ZNF529: variants seen among roughly 807,000 people sequenced by gnomAD.
ZNF529 encodes zinc finger protein 529.
In ZNF529, 11 loss-of-function variants were observed where a neutral mutation model predicts 10.1. The observed-to-expected ratio is 1.09, with a 90% CI of 0.69 to 1.81. The LOEUF is 1.81. ZNF529 is among the 40% of genes most tolerant of loss of function. The pLI, the probability that ZNF529 is intolerant of heterozygous loss-of-function variation, is 0.00. For synonymous variants in ZNF529, 204 were observed against 215.7 expected, an observed-to-expected ratio of 0.95 and a Z score of 0.47; for missense variants, 624 against 666.8, an observed-to-expected ratio of 0.94 and a Z score of 0.71.
In ZNF529 at chr19:36,556,089, A is replaced by T. The variant is rs2035460153; in HGVS notation, c.108+15T>A. On this transcript the variant is annotated intron_variant, in intron 3 of 4. Transcript: ENST00000591340. ...AAAGGAAATATCACAAAGAAAAGAG[A>T]AGTAGTTAACTTACATGGTCCATGG... is the stretch of plus-strand genomic sequence containing the variant. The T allele has an allele frequency of 1.3e-6, 2 of 1,549,284 alleles. No individual in the cohort carries two copies. Among genetic ancestry groups the T allele is most frequent in the Non-Finnish European group, 1.7e-6 (2 of 1,146,120 alleles).
chr19:36,559,510 T>C (rs1344468221), intron 2 of ZNF529, among the ~76,000 whole-genome samples: 3 of 152,244 alleles, frequency 2.0e-5, no homozygotes, highest in Non-Finnish European at 4.4e-5. Flanking sequence ...GGTTTCACCA[T>C]GTTGGCCAGG....
intron 1 of ZNF529, chr19:36,605,012 G>A (rs965353063): frequency 3.3e-5 from 5 of 152,356 alleles, no homozygotes; most frequent in African/African-American, 9.7e-5. Flanking sequence ...CCCAGCAGGT[G>A]ACTTGCACAC....
intron 1 of ZNF529, chr19:36,589,764 A>G (rs1375447488): frequency 6.6e-6 from 1 of 152,182 alleles, no homozygotes; most frequent in Non-Finnish European, 1.5e-5. Context: ...CCAACTTGAT[A>G]AAATTAATAT....
intron 1 of ZNF529, among the ~76,000 whole-genome samples, chr19:36,591,445 C>T (rs59333503): frequency 1.3e-5 from 2 of 152,080 alleles, no homozygotes; most frequent in South Asian, 2.1e-4. Flanking sequence ...TGAGGCCAGA[C>T]GCAGTGGCTC....
intron 2 of ZNF529, among the ~76,000 whole-genome samples, chr19:36,564,285 C>G (rs569178549): frequency 6.6e-6 from 1 of 152,218 alleles, no homozygotes; most frequent in South Asian, 2.1e-4. Context: ...TTCCGCTCAG[C>G]AAAAGAAATT....
At position 36,548,252 on chromosome 19, in the gene ZNF529, C is replaced by T. The variant is rs1568574077; in HGVS notation, c.306G>A (p.Gln102=). The T allele has an allele frequency of 6.2e-7, 1 of 1,613,552 alleles. No homozygotes were observed. Among genetic ancestry groups the T allele is most frequent in the Non-Finnish European group, 8.5e-7 (1 of 1,179,710 alleles). Residue 102 remains glutamine (Q), a synonymous_variant, in exon 5 of 5, where the codon CAG becomes CAA. Coordinates refer to ENST00000591340, the MANE Select transcript of ZNF529 (RefSeq NM_020951.5). The stretch of plus-strand genomic sequence containing the variant: ...ACTTGCTACTTTCCATTACCTCCCA[C>T]TGAGAACCAGTGTTTTGAATAATAT... The part of the protein sequence containing the change: ...GKDIIQNTGS[Q]WEVMESSKLC...
chr19:36,596,877 A>G (rs2068318446), intron 1 of ZNF529, among the ~76,000 whole-genome samples: 1 of 151,682 alleles, frequency 6.6e-6, no homozygotes, highest in South Asian at 2.1e-4. Flanking sequence ...CTAAAAGCAT[A>G]TGGTTGATTT....
At position 36,555,547 on chromosome 19, in the gene ZNF529, C is replaced by T. The variant is rs529465722; in HGVS notation, c.108+557G>A. 1.4e-3 allele frequency among the ~76,000 whole-genome samples: 36 copies of T among 25,776 alleles called. 13 individuals are homozygous for T. Among genetic ancestry groups the T allele is most frequent in the Admixed American group, 9.0e-3 (36 of 4,006 alleles). 16.9% of individuals were successfully genotyped at this position (25,776 alleles called of 152,430 possible). ...TCCTGACCTCATGATCCACCCGCCT[C>T]GGCCTCCCAAAGTGCTGGGATTACA... On this transcript the variant is annotated intron_variant, in intron 3 of 4. Transcript: ENST00000591340.
intron 4 of ZNF529, among the ~76,000 whole-genome samples, chr19:36,554,040 A>T (rs2035362552): frequency 6.6e-6 from 1 of 152,198 alleles, no homozygotes; most frequent in African/African-American, 2.4e-5. Flanking sequence ...AAAAATCCCA[A>T]ATCCAAAACA....
At chr19:36,584,218 G>A (rs2036530040) in intron 2 of ZNF529, among the ~76,000 whole-genome samples, 1 of 152,148 alleles carries the variant, frequency 6.6e-6, no homozygotes, top group Admixed American at 6.6e-5. Flanking sequence ...CAAACTGATA[G>A]AGGAAAAGTA....
chr19:36,597,209 ATTTCT>A (rs1238801416), intron 1 of ZNF529, among the ~76,000 whole-genome samples: 1 of 152,098 alleles, frequency 6.6e-6, no homozygotes, highest in Admixed American at 6.6e-5. Context: ...GTTTCATTAA[ATTTCT>A]TTAATGTAAT....
intron 2 of ZNF529, among the ~76,000 whole-genome samples, chr19:36,580,086 C>T (rs1339157163): frequency 6.6e-6 from 1 of 152,062 alleles, no homozygotes; most frequent in African/African-American, 2.4e-5. Flanking sequence ...CACACTTTAG[C>T]CTGGGCCTAC....
chr19:36,563,953 AG>A (rs1434778735), intron 2 of ZNF529, among the ~76,000 whole-genome samples: 1 of 152,220 alleles, frequency 6.6e-6, no homozygotes, highest in East Asian at 1.9e-4. Flanking sequence ...TAGAGGACCT[AG>A]AAAGTCACAC....
At chr19:36,599,022 C>T (rs2036883815) in intron 1 of ZNF529, among the ~76,000 whole-genome samples, 1 of 152,208 alleles carries the variant, frequency 6.6e-6, no homozygotes, top group South Asian at 2.1e-4. Context: ...GGCTTATAAA[C>T]ATAGCTCAGA....
intron 4 of ZNF529, among the ~76,000 whole-genome samples, chr19:36,552,377 A>C (rs1490669681): frequency 6.6e-6 from 1 of 152,198 alleles, no homozygotes; most frequent in Non-Finnish European, 1.5e-5. Context: ...CAGCAAGCTG[A>C]AATTGTGCCA....
chr19:36,554,745 C>G lies in ZNF529; in HGVS notation c.160G>C (p.Glu54Gln), dbSNP rs1245187111. 7 of 1,577,862 alleles carry G rather than the reference C, an allele frequency of 4.4e-6. No homozygotes were observed. The Admixed American group carries it at 1.3e-4, about 29-fold the overall frequency. The change falls in exon 4 of 5, where the codon GAA (glutamate) becomes CAA (glutamine). Residue 54 changes from glutamate (E) to glutamine (Q), a missense_variant. By Grantham distance (29) the Glu-to-Gln change is conservative. Coordinates refer to ENST00000591340, the MANE Select transcript of ZNF529 (RefSeq NM_020951.5). Reference sequence around the variant, plus strand: ...TTCCTCTGAGCAGAATCCAGATATTCCCATTCCTCCTGAGAGAAGTTGATG... The same window carrying G: ...TTCCTCTGAGCAGAATCCAGATATTGCCATTCCTCCTGAGAGAAGTTGATG... ...VVINFSQEEW[E>Q]YLDSAQRNLY...
intron 1 of ZNF529, among the ~76,000 whole-genome samples, chr19:36,592,151 A>C (rs1371022813): frequency 6.6e-6 from 1 of 151,466 alleles, no homozygotes; most frequent in Non-Finnish European, 1.5e-5. Context: ...CAGGCATGGC[A>C]GTGCATGCTT....
chr19:36,547,557 C>G lies in ZNF529; in HGVS notation c.1001G>C (p.Gly334Ala). The G allele has an allele frequency of 1.9e-6, 3 of 1,613,924 alleles. No individual in the cohort carries two copies. Among genetic ancestry groups the G allele is most frequent in the Non-Finnish European group, 2.5e-6 (3 of 1,179,858 alleles). ...GTGCATACATTTGTAGGGTTTCTCA[C>G]CAGTATGAATTCTCTGATGTTCGGT... is the stretch of plus-strand genomic sequence containing the variant. ...QLTEHQRIHT[G>A]EKPYKCMHCE... Residue 334 changes from glycine to alanine, a missense_variant, in exon 5 of 5, where the codon GGT (glycine) becomes GCT (alanine). Physicochemically the swap from Gly to Ala is moderately conservative, Grantham distance 60. Coordinates refer to ENST00000591340, the MANE Select transcript of ZNF529 (RefSeq NM_020951.5).
At position 36,545,949 on chromosome 19, in the gene ZNF529, C is replaced by G. The variant is rs2034992876; in HGVS notation, c.*917G>C. On this transcript the variant is annotated 3_prime_UTR_variant, in exon 5 of 5. Coordinates refer to ENST00000591340, the MANE Select transcript of ZNF529 (RefSeq NM_020951.5). ...TTGGTATAGCCTGCAGGTAAAAAGACTGCTTAAAGGAACTGGTTATATTCC... is the reference window on the plus strand; with the variant it reads ...TTGGTATAGCCTGCAGGTAAAAAGAGTGCTTAAAGGAACTGGTTATATTCC... 1 of 151,322 alleles carries G rather than the reference C, an allele frequency of 6.6e-6. No individual in the cohort carries two copies. The highest frequency in any genetic ancestry group is 6.6e-5 in the Admixed American group (1 of 15,168). The allele number at this position is 151,322 out of a possible 1,614,324, so 9.4% of individuals were successfully genotyped here. A position where few individuals can be genotyped will look rare whatever the true frequency, so the allele number is the denominator to read the frequency against.
Sources: gnomAD v4.1 joint callset for allele counts (sites outside exome capture counted in the v4.1 genomes callset) on GRCh38, gnomAD v4.1.1 for gene constraint, MANE v1.5 for transcripts, NCBI Gene and HGNC (gene_info 2026-07-23, HGNC 2026-07-21) for gene names.